The following MAGI2 variants were observed in gnomAD, a reference collection of about 807,000 sequenced individuals.
The protein encoded by MAGI2 is membrane associated guanylate kinase, WW and PDZ domain containing 2.
MAGI2 carries 35 observed loss-of-function variants against 133.3 expected under a neutral mutation model. That is an observed-to-expected ratio of 0.26 (90% CI 0.20 to 0.35). MAGI2 has a LOEUF of 0.35. Ranked by LOEUF, MAGI2 falls within the 10% of genes least tolerant of loss-of-function variation. MAGI2 has a pLI of 1.00. For synonymous variants in MAGI2, 729 were observed against 710.6 expected, an observed-to-expected ratio of 1.03 and a Z score of -0.41; for missense variants, 1,636 against 1,863.4, an observed-to-expected ratio of 0.88 and a Z score of 2.25.
At chr7:79,437,280 CAAACCTCA>C (rs571131686) in intron 1 of MAGI2, among the ~76,000 whole-genome samples, 163 of 152,026 alleles carry the variant, frequency 1.1e-3, no homozygotes, top group African/African-American at 3.8e-3. Flanking sequence ...AATAGTACCT[CAAACCTCA>C]GCAACACACA....
At chr7:78,144,716 C>T (rs952193666) in intron 16 of MAGI2, among the ~76,000 whole-genome samples, 1 of 152,132 alleles carries the variant, frequency 6.6e-6, no homozygotes, top group African/African-American at 2.4e-5. Context: ...TGTTGCACTC[C>T]AAGGTGGACT....
At chr7:79,440,815 T>G (rs1039867352) in intron 1 of MAGI2, among the ~76,000 whole-genome samples, 3 of 152,220 alleles carry the variant, frequency 2.0e-5, no homozygotes, top group Non-Finnish European at 4.4e-5. Flanking sequence ...AGTCCTAGCT[T>G]CATTATTTCA....
intron 3 of MAGI2, among the ~76,000 whole-genome samples, chr7:78,597,270 A>G (rs1210186618): frequency 6.6e-6 from 1 of 152,012 alleles, no homozygotes; most frequent in Non-Finnish European, 1.5e-5. Flanking sequence ...AGAAATGCCT[A>G]TTTAGCTACT....
At chr7:79,202,902 G>T (rs1272191451) in intron 1 of MAGI2, among the ~76,000 whole-genome samples, 1 of 151,860 alleles carries the variant, frequency 6.6e-6, no homozygotes, top group Non-Finnish European at 1.5e-5. Context: ...GAGTTCCCCT[G>T]ACTCAAAAAT....
intron 10 of MAGI2, among the ~76,000 whole-genome samples, chr7:78,228,625 G>T (rs1343531130): frequency 1.3e-5 from 2 of 152,026 alleles, no homozygotes; most frequent in Admixed American, 1.3e-4. Context: ...CAAAACTCAG[G>T]GTTTCCGAGT....
intron 1 of MAGI2, among the ~76,000 whole-genome samples, chr7:79,137,940 T>C (rs1821745758): frequency 6.6e-6 from 1 of 152,156 alleles, no homozygotes; most frequent in Non-Finnish European, 1.5e-5. Context: ...ATTATCCTAG[T>C]GGGCGTAATG....
intron 2 of MAGI2, among the ~76,000 whole-genome samples, chr7:78,951,171 C>T (rs1056668688): frequency 1.3e-5 from 2 of 151,948 alleles, no homozygotes; most frequent in African/African-American, 4.8e-5. Context: ...TGGGGTTTCA[C>T]CATGTTGGCT....
chr7:78,831,530 G>A (rs1791149312), intron 2 of MAGI2, among the ~76,000 whole-genome samples: 1 of 152,042 alleles, frequency 6.6e-6, no homozygotes, highest in African/African-American at 2.4e-5. Context: ...TGGATTACAG[G>A]TGTAAGCACC....
chr7:78,982,019 C>T (rs1290253927), intron 2 of MAGI2, among the ~76,000 whole-genome samples: 1 of 151,722 alleles, frequency 6.6e-6, no homozygotes, highest in African/African-American at 2.4e-5. Flanking sequence ...TTTACCTTCC[C>T]ACCTCAGGCA....
intron 2 of MAGI2, among the ~76,000 whole-genome samples, chr7:78,820,169 A>G (rs1326325717): frequency 2.0e-5 from 3 of 152,010 alleles, no homozygotes; most frequent in African/African-American, 7.2e-5. Context: ...GCTATAAAAA[A>G]GTCACTTTCA....
Position 78,556,534 on chromosome 7 carries a change from A to G in MAGI2, c.539-34889T>C, listed in dbSNP as rs115117393. 1.9e-3 allele frequency among the ~76,000 whole-genome samples: 288 copies of G among 152,352 alleles called. 1 individual carries two copies. The highest frequency in any genetic ancestry group is 6.7e-3 in the African/African-American group (280 of 41,588). On this transcript the variant is annotated intron_variant, in intron 3 of 21. Coordinates refer to ENST00000354212, the MANE Select transcript of MAGI2 (RefSeq NM_012301.4). Reference sequence around the variant, plus strand: ...AAAAGAACCTTGTAGGAAGATGCAGACTAAAATGGGAGCACTTGAGGGAAT... The same window carrying G: ...AAAAGAACCTTGTAGGAAGATGCAGGCTAAAATGGGAGCACTTGAGGGAAT...
intron 2 of MAGI2, among the ~76,000 whole-genome samples, chr7:78,710,545 G>A (rs989734674): frequency 2.0e-5 from 3 of 152,104 alleles, no homozygotes; most frequent in African/African-American, 7.2e-5. Flanking sequence ...TCCATGGCAC[G>A]ATAATACCAA....
Position 78,133,080 on chromosome 7 carries a change from C to T in MAGI2, c.3032-20G>A, listed in dbSNP as rs767666872. 6.6e-6 allele frequency: 10 copies of T among 1,520,872 alleles called. No homozygotes were observed. Among genetic ancestry groups the T allele is most frequent in the South Asian group, 4.0e-5 (3 of 74,472 alleles). The allele number at this position is 1,520,872 out of a possible 1,614,324, so 94.2% of individuals were successfully genotyped here. On this transcript the variant is annotated intron_variant, in intron 17 of 21. Transcript: ENST00000354212. ...TGAGCTCTGCGATGGAGAACCAAAG[C>T]GGCAGATGCAGTCAGGTTAGTGTTG...
rs146447073 is a variant in MAGI2, at chr7:79,447,616, C to T, written c.301+5404G>A. On this transcript the variant is annotated intron_variant, in intron 1 of 21. Coordinates refer to ENST00000354212, the MANE Select transcript of MAGI2 (RefSeq NM_012301.4). ...TTAATACACAGACTTACTTATATTG[C>T]ATTTCTTTCATACAAAGTATGAAAA... Among the ~76,000 whole-genome samples, 26 of 151,838 alleles carry T rather than the reference C, an allele frequency of 1.7e-4. No homozygotes were observed. The East Asian group carries it at 5.0e-3, about 29-fold the overall frequency.
chr7:78,657,297 A>G (rs1455258138), intron 2 of MAGI2, among the ~76,000 whole-genome samples: 2 of 152,180 alleles, frequency 1.3e-5, no homozygotes, highest in Non-Finnish European at 2.9e-5. Flanking sequence ...TACTCTTAGC[A>G]TGTGATCTAG....
chr7:79,032,931 T>C (rs534299410), intron 1 of MAGI2, among the ~76,000 whole-genome samples: 9 of 151,524 alleles, frequency 5.9e-5, no homozygotes, highest in Admixed American at 5.3e-4. Flanking sequence ...TCATTTACTG[T>C]GACAAATTAT....
At chr7:78,888,639 C>G (rs1026226554) in intron 2 of MAGI2, among the ~76,000 whole-genome samples, 3 of 152,210 alleles carry the variant, frequency 2.0e-5, no homozygotes, top group Non-Finnish European at 4.4e-5. Context: ...GGACCTCCAG[C>G]AAACTCCGAC....
chr7:78,112,311 G>T (rs149144765), intron 20 of MAGI2, among the ~76,000 whole-genome samples: 3 of 152,028 alleles, frequency 2.0e-5, no homozygotes, highest in Non-Finnish European at 4.4e-5. Flanking sequence ...TGTCATCCAC[G>T]TTTGGTGAGA....
chr7:78,873,463 T>C (rs1399719160), intron 2 of MAGI2, among the ~76,000 whole-genome samples: 1 of 152,100 alleles, frequency 6.6e-6, no homozygotes. Context: ...ACCCCACATG[T>C]AAGGGATCTA....
Sources: gnomAD v4.1 joint callset for allele counts (sites outside exome capture counted in the v4.1 genomes callset) on GRCh38, gnomAD v4.1.1 for gene constraint, MANE v1.5 for transcripts, NCBI Gene and HGNC (gene_info 2026-07-23, HGNC 2026-07-21) for gene names.